Variants in RBMS3 observed in about 807,000 individuals in gnomAD.
RBMS3 encodes the protein RNA-binding motif, single-stranded-interacting protein 3.
Under a neutral mutation model 66.8 loss-of-function variants are expected in RBMS3, and 27 were observed. The observed-to-expected ratio is 0.40, with a 90% CI of 0.30 to 0.56. The LOEUF (loss-of-function observed/expected upper bound fraction) is 0.56, where lower values mean the gene tolerates loss of function less well. Ranked by LOEUF, RBMS3 falls within the 20% of genes least tolerant of loss-of-function variation. The pLI, the probability that RBMS3 is intolerant of heterozygous loss-of-function variation, is 0.40. For missense variants in RBMS3, 513 were observed against 549.5 expected, an observed-to-expected ratio of 0.93 and a Z score of 0.66; for synonymous variants, 188 against 183.0, an observed-to-expected ratio of 1.03 and a Z score of -0.22.
At chr3:29,779,706 A>AATATATATATATAT (rs566888716) in intron 6 of RBMS3, among the ~76,000 whole-genome samples, 2,576 of 106,922 alleles carry the variant, frequency 0.024, 142 homozygotes, top group African/African-American at 0.048. Flanking sequence ...ATTAAGATGA[A>AATATATATATATAT]ATATATATAT....
intron 1 of RBMS3, among the ~76,000 whole-genome samples, chr3:29,338,626 C>G (rs1444473266): frequency 6.6e-6 from 1 of 151,168 alleles, no homozygotes; most frequent in East Asian, 2.0e-4. Context: ...GTGTGAGTTA[C>G]TGGTCTACTG....
At chr3:29,834,616 C>G (rs899025408) in intron 6 of RBMS3, among the ~76,000 whole-genome samples, 2 of 151,874 alleles carry the variant, frequency 1.3e-5, no homozygotes, top group Non-Finnish European at 2.9e-5. Context: ...AATCATGAAG[C>G]AAACTCTTAT....
chr3:29,778,829 TACTA>T (rs899788980), intron 6 of RBMS3, among the ~76,000 whole-genome samples: 1 of 151,930 alleles, frequency 6.6e-6, no homozygotes, highest in African/African-American at 2.4e-5. Context: ...TTCTGGTAAA[TACTA>T]AGTGTTACTT....
chr3:29,398,881 T>A (rs1185085255), intron 1 of RBMS3, among the ~76,000 whole-genome samples: 1 of 152,190 alleles, frequency 6.6e-6, no homozygotes, highest in Non-Finnish European at 1.5e-5. Flanking sequence ...GGAACTCAGC[T>A]TTAAGAGGAC....
intron 6 of RBMS3, 121 bp downstream of exon 6, chr3:29,763,110 G>A (rs1576731794): frequency 3.2e-6 from 2 of 627,094 alleles, no homozygotes; most frequent in East Asian, 3.0e-5. Context: ...TTTTCTTAAT[G>A]TGTATTTTCA....
intron 4 of RBMS3, among the ~76,000 whole-genome samples, chr3:29,587,628 G>A (rs1457153416): frequency 6.6e-6 from 1 of 151,646 alleles, no homozygotes; most frequent in African/African-American, 2.4e-5. Context: ...TCAGCAACTT[G>A]TCTTTGATAA....
intron 14 of RBMS3, among the ~76,000 whole-genome samples, chr3:29,996,185 T>C (rs1306944720): frequency 6.7e-6 from 1 of 149,374 alleles, no homozygotes; most frequent in Non-Finnish European, 1.5e-5. Flanking sequence ...CATTACATAA[T>C]GGTAAAGGGA....
intron 4 of RBMS3, among the ~76,000 whole-genome samples, chr3:29,728,373 T>C (rs1462594126): frequency 6.6e-6 from 1 of 152,076 alleles, no homozygotes. Context: ...TAAAATAACA[T>C]CTAAAGAAAA....
intron 4 of RBMS3, among the ~76,000 whole-genome samples, chr3:29,735,795 A>G (rs754020117): frequency 6.6e-5 from 10 of 152,204 alleles, no homozygotes; most frequent in African/African-American, 2.4e-4. Flanking sequence ...TCAGATTATC[A>G]TCTATTTCTA....
At chr3:29,850,062 A>G (rs2058893146) in intron 6 of RBMS3, among the ~76,000 whole-genome samples, 1 of 152,200 alleles carries the variant, frequency 6.6e-6, no homozygotes, top group African/African-American at 2.4e-5. Flanking sequence ...CAGACTGGCA[A>G]CCTTCCCTTT....
chr3:29,289,229 T>A (rs1255699216), intron 1 of RBMS3, among the ~76,000 whole-genome samples: 2 of 151,890 alleles, frequency 1.3e-5, no homozygotes, highest in Non-Finnish European at 2.9e-5. Context: ...CTATGGAAGG[T>A]ATGAAGTTAC....
chr3:29,982,191 A>G (rs2149784586), intron 12 of RBMS3, among the ~76,000 whole-genome samples: 1 of 151,946 alleles, frequency 6.6e-6, no homozygotes, highest in East Asian at 1.9e-4. Flanking sequence ...TTTCTTCTAG[A>G]TTTTCTAGTT....
At position 29,739,883 on chromosome 3, in the gene RBMS3, ATTCT is replaced by A; in HGVS notation, c.557+13_557+16del. ...AGAGGTGTTGGCTTTGCCAGGTAAA[ATTCT>A]TTCTTTGTATGTAATCGTTCTTTCC... On this transcript the variant is annotated splice_region_variant and intron_variant, in intron 5 of 14. Transcript: ENST00000383767. The A allele has an allele frequency of 6.4e-7, 1 of 1,553,018 alleles. No individual in the cohort carries two copies. The highest frequency in any genetic ancestry group is 8.7e-7 in the Non-Finnish European group (1 of 1,152,866).
chr3:29,403,584 G>T (rs1446137829), intron 1 of RBMS3, among the ~76,000 whole-genome samples: 2 of 151,994 alleles, frequency 1.3e-5, no homozygotes, highest in Non-Finnish European at 1.5e-5. Flanking sequence ...AAGAAGCAAT[G>T]GGATTTCTAA....
chr3:29,468,835 T>G (rs1244294291), intron 2 of RBMS3, among the ~76,000 whole-genome samples: 1 of 152,142 alleles, frequency 6.6e-6, no homozygotes, highest in African/African-American at 2.4e-5. Context: ...ACAAAAATCT[T>G]ATGGAGACAG....
intron 3 of RBMS3, among the ~76,000 whole-genome samples, chr3:29,541,418 C>G (rs1407408764): frequency 2.1e-5 from 3 of 143,834 alleles, no homozygotes; most frequent in African/African-American, 8.5e-5. Flanking sequence ...AAGTTAGCCT[C>G]AAATTTCTTT....
chr3:29,548,463 A>T (rs2046058162), intron 3 of RBMS3, among the ~76,000 whole-genome samples: 1 of 151,676 alleles, frequency 6.6e-6, no homozygotes, highest in Non-Finnish European at 1.5e-5. Flanking sequence ...AAACAAAACG[A>T]CGTTAATGAA....
At chr3:29,396,197 C>T (rs976736829) in intron 1 of RBMS3, among the ~76,000 whole-genome samples, 9 of 151,856 alleles carry the variant, frequency 5.9e-5, no homozygotes, top group Admixed American at 2.6e-4. Context: ...ATGTTCCAGC[C>T]ACGAATCATG....
intron 1 of RBMS3, among the ~76,000 whole-genome samples, chr3:29,286,239 A>G (rs938372319): frequency 1.3e-5 from 2 of 152,042 alleles, no homozygotes; most frequent in African/African-American, 4.8e-5. Context: ...TAGAATTTTT[A>G]ATTGGTTTCA....
Sources: gnomAD v4.1 joint callset for allele counts (sites outside exome capture counted in the v4.1 genomes callset) on GRCh38, gnomAD v4.1.1 for gene constraint, MANE v1.5 for transcripts, NCBI Gene and HGNC (gene_info 2026-07-23, HGNC 2026-07-21) for gene names.